Variants in ATP2B2 observed in about 807,000 individuals in gnomAD.
ATP2B2 encodes ATPase plasma membrane Ca2+ transporting 2, also known as plasma membrane calcium-transporting ATPase 2.
In ATP2B2, 15 loss-of-function variants were observed where a neutral mutation model predicts 120.0. The observed-to-expected ratio is 0.12, with a 90% CI of 0.08 to 0.19. The LOEUF is 0.19. ATP2B2 is among the 10% of genes least tolerant of loss of function. The probability of loss-of-function intolerance (pLI) is 1.00; values close to 1 mark genes in which losing one functional copy is unlikely to be tolerated. For missense variants in ATP2B2, 1,045 were observed against 1,719.8 expected, an observed-to-expected ratio of 0.61 and a Z score of 6.94; for synonymous variants, 694 against 700.3, an observed-to-expected ratio of 0.99 and a Z score of 0.14.
intron 1 of ATP2B2, among the ~76,000 whole-genome samples, chr3:10,473,646 T>C (rs917782473): frequency 1.1e-4 from 17 of 152,180 alleles, no homozygotes; most frequent in African/African-American, 4.1e-4. Flanking sequence ...AAAAGTGCTA[T>C]GAAGAGAATA....
intron 2 of ATP2B2, among the ~76,000 whole-genome samples, chr3:10,424,194 A>T (rs1016063031): frequency 6.6e-6 from 1 of 152,190 alleles, no homozygotes; most frequent in Non-Finnish European, 1.5e-5. Context: ...CCATTCTGTA[A>T]GATAGGGATT....
chr3:10,591,519 T>C (rs1302419052), intron 2 of ATP2B2, among the ~76,000 whole-genome samples: 2 of 152,120 alleles, frequency 1.3e-5, no homozygotes, highest in Non-Finnish European at 1.5e-5. Context: ...CATGCTCCTC[T>C]CCACTGGATC....
chr3:10,630,595 C>T (rs2125637420), intron 1 of ATP2B2, among the ~76,000 whole-genome samples: 1 of 152,228 alleles, frequency 6.6e-6, no homozygotes, highest in African/African-American at 2.4e-5. Flanking sequence ...AGGTTGATTC[C>T]ATGTCTTTGC....
chr3:10,613,570 G>A (rs943426811), intron 2 of ATP2B2, among the ~76,000 whole-genome samples: 2 of 152,076 alleles, frequency 1.3e-5, no homozygotes, highest in African/African-American at 4.8e-5. Context: ...CATCACCTTT[G>A]ATTCTTCTTT....
chr3:10,396,098 G>A (rs980390078), intron 5 of ATP2B2, among the ~76,000 whole-genome samples: 2 of 152,254 alleles, frequency 1.3e-5, no homozygotes, highest in Non-Finnish European at 2.9e-5. Context: ...TCACTTGTCA[G>A]ATGGGGAAAC....
chr3:10,584,075 G>C (rs2068452262), intron 2 of ATP2B2, among the ~76,000 whole-genome samples: 1 of 151,914 alleles, frequency 6.6e-6, no homozygotes, highest in Non-Finnish European at 1.5e-5. Context: ...CTGAAGGGAT[G>C]GTGGTTATTA....
At chr3:10,558,951 T>C (rs1309900592) in intron 2 of ATP2B2, among the ~76,000 whole-genome samples, 1 of 152,200 alleles carries the variant, frequency 6.6e-6, no homozygotes, top group Admixed American at 6.5e-5. Context: ...TGTCACCTCC[T>C]CTGCTATTTA....
chr3:10,328,712 C>T lies in ATP2B2; in HGVS notation c.*102G>A, dbSNP rs935038159. On this transcript the variant is annotated 3_prime_UTR_variant, in exon 23 of 23. Transcript: ENST00000360273. ...CAGTATTTGGTTTCCGATTGTTGCTCGTTGCTGCTTGGGTGAGTTGGGTGC... is the reference window on the plus strand; with the variant it reads ...CAGTATTTGGTTTCCGATTGTTGCTTGTTGCTGCTTGGGTGAGTTGGGTGC... The T allele has an allele frequency of 1.6e-5, 20 of 1,238,326 alleles. No homozygotes were observed. The highest frequency in any genetic ancestry group is 3.1e-5 in the South Asian group (2 of 64,958). 76.7% of individuals were successfully genotyped at this position (1,238,326 alleles called of 1,614,324 possible). A position where few individuals can be genotyped will look rare whatever the true frequency, so the allele number is the denominator to read the frequency against.
intron 5 of ATP2B2, among the ~76,000 whole-genome samples, chr3:10,398,256 G>C (rs966366327): frequency 6.6e-6 from 1 of 152,202 alleles, no homozygotes; most frequent in Non-Finnish European, 1.5e-5. Context: ...AACCCACTGA[G>C]ATCTCCAGGT....
At chr3:10,509,480 G>A (rs2066716859), upstream of ATP2B2, among the ~76,000 whole-genome samples, 1 of 152,150 alleles carries the variant, frequency 6.6e-6, no homozygotes, top group Non-Finnish European at 1.5e-5. Flanking sequence ...AAGAGCCCAG[G>A]CTTCTTCCCA....
At chr3:10,684,198 C>A (rs1027550601) in intron 1 of ATP2B2, among the ~76,000 whole-genome samples, 2 of 152,142 alleles carry the variant, frequency 1.3e-5, no homozygotes, top group African/African-American at 4.8e-5. Context: ...TAAGCAGGGC[C>A]AATGCCAGCC....
chr3:10,595,849 T>C (rs951583451), intron 2 of ATP2B2, among the ~76,000 whole-genome samples: 4 of 152,198 alleles, frequency 2.6e-5, no homozygotes, highest in African/African-American at 7.2e-5. Context: ...CAAGGCTCTA[T>C]GTGAACTGAC....
chr3:10,671,707 TG>T (rs36073391), intron 1 of ATP2B2, among the ~76,000 whole-genome samples: 97,572 of 151,842 alleles, frequency 0.64, 31,292 homozygotes, highest in Admixed American at 0.69. Context: ...GTGCTTGGGG[TG>T]GATGCCCTGG....
chr3:10,400,850 C>T, intron 5 of ATP2B2, 103 bp downstream of exon 5: 1 of 1,564,516 alleles, frequency 6.4e-7, no homozygotes, highest in Non-Finnish European at 8.8e-7. Flanking sequence ...ATACCAGAGC[C>T]AAGGATCAAA....
intron 1 of ATP2B2, among the ~76,000 whole-genome samples, chr3:10,683,748 A>ATGTGTGTG (rs372159079): frequency 7.2e-4 from 41 of 57,332 alleles, no homozygotes; most frequent in East Asian, 3.4e-3. Context: ...GTGTATATAT[A>ATGTGTGTG]TGTGTGTGTG....
intron 1 of ATP2B2, among the ~76,000 whole-genome samples, chr3:10,704,001 C>G (rs1296479078): frequency 1.3e-5 from 2 of 152,198 alleles, no homozygotes; most frequent in Non-Finnish European, 2.9e-5. Context: ...CTTACCCTGC[C>G]TCACCCATCC....
chr3:10,400,307 ACTCT>A (rs1224533040), intron 5 of ATP2B2, among the ~76,000 whole-genome samples: 1 of 151,646 alleles, frequency 6.6e-6, no homozygotes, highest in African/African-American at 2.4e-5. Flanking sequence ...TGGCCTCTCC[ACTCT>A]CTCTATTTCA....
At chr3:10,466,123 G>T (rs1016204902) in intron 1 of ATP2B2, among the ~76,000 whole-genome samples, 1 of 152,190 alleles carries the variant, frequency 6.6e-6, no homozygotes, top group Non-Finnish European at 1.5e-5. Flanking sequence ...CCCTTGACAG[G>T]GAGTTCACTC....
intron 5 of ATP2B2, among the ~76,000 whole-genome samples, chr3:10,400,748 C>CA (rs763462063): frequency 3.3e-5 from 5 of 152,224 alleles, no homozygotes; most frequent in Non-Finnish European, 7.3e-5. Context: ...GCAGTCTCCC[C>CA]AGGGCTGGGG....
Sources: allele counts gnomAD v4.1 joint callset (sites outside exome capture counted in the v4.1 genomes callset), GRCh38; gene constraint gnomAD v4.1.1; transcripts MANE v1.5; gene names NCBI Gene and HGNC (gene_info 2026-07-23, HGNC 2026-07-21).